Variants in FYN observed in about 807,000 individuals in gnomAD.
The protein encoded by FYN is FYN proto-oncogene, Src family tyrosine kinase, also known as tyrosine-protein kinase Fyn.
In FYN, 10 loss-of-function variants were observed where a neutral mutation model predicts 70.2. That is an observed-to-expected ratio of 0.14 (90% confidence interval 0.09 to 0.24). The LOEUF (loss-of-function observed/expected upper bound fraction) is 0.24. Among genes scored for constraint, FYN ranks in the 10% least tolerant of loss-of-function variants. The pLI is 1.00. For synonymous variants in FYN, 236 were observed against 248.6 expected (o/e 0.95, Z 0.48); for missense variants, 319 against 673.1 (o/e 0.47, Z 5.82).
chr6:111,849,910 C>T (rs1446601268), intron 1 of FYN, among the ~76,000 whole-genome samples: 1 of 152,180 alleles, frequency 6.6e-6, no homozygotes, highest in Non-Finnish European at 1.5e-5. Context: ...TGTGCAGAGC[C>T]TGTTTCGTTG....
chr6:111,794,918 C>G (rs1036776588), intron 2 of FYN, among the ~76,000 whole-genome samples: 1 of 152,188 alleles, frequency 6.6e-6, no homozygotes, highest in Admixed American at 6.5e-5. Context: ...CTGGGCCTGT[C>G]TCCACACTAA....
chr6:111,829,522 G>C (rs945578491), intron 2 of FYN, among the ~76,000 whole-genome samples: 4 of 152,150 alleles, frequency 2.6e-5, no homozygotes, highest in Non-Finnish European at 5.9e-5. Flanking sequence ...AGATTGTTAA[G>C]CACAGAACAG....
intron 12 of FYN, among the ~76,000 whole-genome samples, chr6:111,690,841 G>A (rs188553970): frequency 1.1e-3 from 160 of 152,302 alleles, no homozygotes; most frequent in African/African-American, 3.7e-3. Context: ...TTCAAAACCA[G>A]TTCCATCTGA....
At chr6:111,826,901 A>T (rs995918620) in intron 2 of FYN, among the ~76,000 whole-genome samples, 1 of 152,184 alleles carries the variant, frequency 6.6e-6, no homozygotes, top group Non-Finnish European at 1.5e-5. Context: ...TAAAATCACA[A>T]ACCTACAGAG....
In FYN at chr6:111,661,988, C is replaced by G; in HGVS notation, c.1406-41G>C. 6.6e-7 allele frequency: 1 copy of G among 1,524,244 alleles called. No homozygotes were observed. Among genetic ancestry groups the G allele is most frequent in the Non-Finnish European group, 8.9e-7 (1 of 1,123,976 alleles). The allele number at this position is 1,524,244 out of a possible 1,614,324, so 94.4% of individuals were successfully genotyped here. A position where few individuals can be genotyped will look rare whatever the true frequency, so the allele number is the denominator to read the frequency against. Reference sequence around the variant, plus strand: ...CAGTGAGAGTGGGCACCCCGGGGATCCAGGCCCTGACCGCCGCACTTGCAG... The same window carrying G: ...CAGTGAGAGTGGGCACCCCGGGGATGCAGGCCCTGACCGCCGCACTTGCAG... On this transcript the variant is annotated intron_variant, in intron 13 of 13. Transcript: ENST00000354650. This position sits in a 1 kb window ranked among gnomAD's most constrained non-coding sequence, Gnocchi z 4.0.
At position 111,660,552 on chromosome 6, in the gene FYN, G is replaced by A. The variant is rs1004048892; in HGVS notation, c.*1187C>T. ...GCAACTAAAAATGTAATACTTTTTT[G>A]TTTTTGTGCATCCCCATGAAATGTA... On this transcript the variant is annotated 3_prime_UTR_variant, in exon 14 of 14. Coordinates refer to ENST00000354650, the MANE Select transcript of FYN (RefSeq NM_002037.5). The A allele has an allele frequency of 3.3e-5, 5 of 152,048 alleles. No homozygotes were observed. The highest frequency in any genetic ancestry group is 4.4e-5 in the Non-Finnish European group (3 of 67,944). The allele number at this position is 152,048 out of a possible 1,614,324, so 9.4% of individuals were successfully genotyped here. A position where few individuals can be genotyped will look rare whatever the true frequency, so the allele number is the denominator to read the frequency against.
chr6:111,704,910 A>C (rs1247730014), intron 6 of FYN, among the ~76,000 whole-genome samples: 1 of 151,438 alleles, frequency 6.6e-6, no homozygotes, highest in African/African-American at 2.4e-5. Flanking sequence ...AAAATACAAA[A>C]AATTAGCTGG....
rs1021468795 is a variant in FYN at position 111,661,223 on chromosome 6, T to C, written c.*516A>G. 1 of 152,474 alleles carries C rather than the reference T, an allele frequency of 6.6e-6. No individual in the cohort carries two copies. Among genetic ancestry groups the C allele is most frequent in the African/African-American group, 2.4e-5 (1 of 41,402 alleles). The allele number at this position is 152,474 out of a possible 1,614,324, so 9.4% of individuals were successfully genotyped here. On this transcript the variant is annotated 3_prime_UTR_variant, in exon 14 of 14. Coordinates refer to ENST00000354650, the MANE Select transcript of FYN (RefSeq NM_002037.5). The surrounding 1 kb of genome is among the most constrained non-coding windows in gnomAD (Gnocchi z 4.0). ...CCCACATTGTATATGTACAGGGACA[T>C]ATATATTATATATATTCATATTTAT...
chr6:111,806,781 T>C (rs751464085), intron 2 of FYN, among the ~76,000 whole-genome samples: 3 of 152,214 alleles, frequency 2.0e-5, no homozygotes, highest in Non-Finnish European at 2.9e-5. Context: ...CTTCCCATTA[T>C]CTTCATATCT....
chr6:111,760,974 C>T (rs1183145204), intron 3 of FYN, among the ~76,000 whole-genome samples: 1 of 152,148 alleles, frequency 6.6e-6, no homozygotes, highest in Admixed American at 6.5e-5. Flanking sequence ...CCCTAAGGTG[C>T]AACCAAATTG....
chr6:111,679,728 C>T (rs555513251), intron 12 of FYN, among the ~76,000 whole-genome samples: 1 of 152,266 alleles, frequency 6.6e-6, no homozygotes, highest in South Asian at 2.1e-4. Context: ...GCAACAGCCA[C>T]ACACTAATGA....
At chr6:111,719,761 G>A in intron 4 of FYN, 44 bp downstream of exon 4, 1 of 1,592,362 alleles carries the variant, frequency 6.3e-7, no homozygotes, top group Non-Finnish European at 8.6e-7. Context: ...AAAGATTTAA[G>A]GGTGGCTGCC....
intron 3 of FYN, among the ~76,000 whole-genome samples, chr6:111,727,621 G>C (rs188399202): frequency 1.3e-5 from 2 of 152,292 alleles, no homozygotes; most frequent in Non-Finnish European, 1.5e-5. Context: ...TGGGAGAACA[G>C]AGCCTACTTA....
intron 1 of FYN, among the ~76,000 whole-genome samples, chr6:111,863,102 C>G (rs763567056): frequency 6.6e-6 from 1 of 152,194 alleles, no homozygotes; most frequent in South Asian, 2.1e-4. Context: ...AGTAAAGGGA[C>G]AGGATCCAAG....
intron 3 of FYN, among the ~76,000 whole-genome samples, chr6:111,772,610 T>C (rs1458579077): frequency 6.6e-6 from 1 of 152,180 alleles, no homozygotes; most frequent in Non-Finnish European, 1.5e-5. Context: ...TTATAAAGTA[T>C]TCTTGGCAAA....
chr6:111,851,295 T>C (rs1773679484), intron 1 of FYN, among the ~76,000 whole-genome samples: 1 of 152,240 alleles, frequency 6.6e-6, no homozygotes, highest in Non-Finnish European at 1.5e-5. Flanking sequence ...AATATTTATT[T>C]TAGCTCATTA....
At position 111,811,849 on chromosome 6, in the gene FYN, A is replaced by G. The variant is rs182120994; in HGVS notation, c.-81-31214T>C. Among the ~76,000 whole-genome samples the G allele has an allele frequency of 1.1e-3, 172 of 151,940 alleles. 1 individual carries two copies. Among genetic ancestry groups the G allele is most frequent in the African/African-American group, 4.0e-3 (163 of 41,202 alleles). ...TATATAGATTAGACGTGGGCACTGC[A>G]GCGCCTATTGTGGGCCAAGGACAAG... On this transcript the variant is annotated intron_variant, in intron 2 of 13. Coordinates refer to ENST00000354650, the MANE Select transcript of FYN (RefSeq NM_002037.5).
chr6:111,843,672 G>A (rs1773430812), intron 2 of FYN, among the ~76,000 whole-genome samples: 1 of 152,128 alleles, frequency 6.6e-6, no homozygotes, highest in African/African-American at 2.4e-5. Context: ...CTATTAACAA[G>A]CATGGTTTCC....
intron 12 of FYN, among the ~76,000 whole-genome samples, chr6:111,675,048 G>C (rs9400492): frequency 3.3e-5 from 5 of 151,810 alleles, no homozygotes; most frequent in Non-Finnish European, 7.4e-5. Flanking sequence ...TGCTCCCAGG[G>C]TGGGGACAAC....
Sources: gnomAD v4.1 joint callset for allele counts (sites outside exome capture counted in the v4.1 genomes callset) on GRCh38, gnomAD v4.1.1 for gene constraint, Gnocchi (gnomAD v3.1) non-coding constraint, MANE v1.5 for transcripts, NCBI Gene and HGNC (gene_info 2026-07-23, HGNC 2026-07-21) for gene names.